Variants in WDR7 observed in about 807,000 individuals in gnomAD.
WDR7 encodes the protein WD repeat-containing protein 7.
In WDR7, 46 loss-of-function variants were observed where a neutral mutation model predicts 169.4. The observed-to-expected ratio is 0.27, with a 90% CI of 0.21 to 0.35. The LOEUF is 0.35. Ranked by LOEUF, WDR7 falls within the 10% of genes least tolerant of loss-of-function variation. The probability of loss-of-function intolerance (pLI) is 1.00; values close to 1 mark genes in which losing one functional copy is unlikely to be tolerated. For missense variants in WDR7, 1,534 were observed against 1,859.3 expected (o/e 0.83, Z 3.22); for synonymous variants, 612 against 666.8 (o/e 0.92, Z 1.27).
intron 13 of WDR7, among the ~76,000 whole-genome samples, chr18:56,728,751 G>A (rs887789737): frequency 7.2e-5 from 11 of 152,116 alleles, no homozygotes; most frequent in East Asian, 1.9e-4. Flanking sequence ...ACTGGGCTGC[G>A]TCACTGTGTG....
At chr18:57,014,332 CAAA>C (rs35192329) in intron 26 of WDR7, among the ~76,000 whole-genome samples, 4 of 133,266 alleles carry the variant, frequency 3.0e-5, no homozygotes, top group Non-Finnish European at 4.7e-5. Context: ...GACTCCATCT[CAAA>C]AAAAAAAAAA....
intron 21 of WDR7, among the ~76,000 whole-genome samples, chr18:56,914,011 A>C (rs948116133): frequency 2.0e-5 from 3 of 152,034 alleles, no homozygotes; most frequent in Admixed American, 2.0e-4. Flanking sequence ...ATAACCTTCC[A>C]CAAGTTTCTC....
intron 20 of WDR7, among the ~76,000 whole-genome samples, chr18:56,864,148 A>C (rs1359797178): frequency 6.6e-6 from 1 of 151,830 alleles, no homozygotes; most frequent in Non-Finnish European, 1.5e-5. Flanking sequence ...AAAAGCATCA[A>C]ATGGACTTAT....
At chr18:56,829,800 G>T (rs184257185) in intron 20 of WDR7, among the ~76,000 whole-genome samples, 3 of 152,172 alleles carry the variant, frequency 2.0e-5, no homozygotes, top group Non-Finnish European at 4.4e-5. Flanking sequence ...AGGAGAAAGC[G>T]TGTGAATGTG....
At chr18:56,681,522 A>T in intron 4 of WDR7, 131 bp downstream of exon 4, 1 of 546,090 alleles carries the variant, frequency 1.8e-6, no homozygotes, top group Non-Finnish European at 3.0e-6. Context: ...GAAAACTAGA[A>T]TTGAAGCGGT....
intron 14 of WDR7, among the ~76,000 whole-genome samples, chr18:56,731,891 T>C (rs2026595801): frequency 6.6e-6 from 1 of 152,204 alleles, no homozygotes. Flanking sequence ...TACTTTTTGG[T>C]AGTCTTTCTG....
Position 57,027,335 on chromosome 18 carries a change from C to CGGCA in WDR7, c.*130_*131insCAGG. The CGGCA allele has an allele frequency of 8.4e-7, 1 of 1,197,206 alleles. No homozygotes were observed. Among genetic ancestry groups the CGGCA allele is most frequent in the Non-Finnish European group, 1.2e-6 (1 of 867,726 alleles). The allele number at this position is 1,197,206 out of a possible 1,614,324, so 74.2% of individuals were successfully genotyped here. A position where few individuals can be genotyped will look rare whatever the true frequency, so the allele number is the denominator to read the frequency against. ...CCCCAGTGCCATCCAGTGGCACGGC[C>CGGCA]GGGTCTTGTCACTTGTGCATGCTTC... is the stretch of plus-strand genomic sequence containing the variant. On this transcript the variant is annotated 3_prime_UTR_variant, in exon 28 of 28. Coordinates refer to ENST00000254442, the MANE Select transcript of WDR7 (RefSeq NM_015285.3).
intron 20 of WDR7, among the ~76,000 whole-genome samples, chr18:56,838,871 G>A (rs908662434): frequency 1.3e-5 from 2 of 152,004 alleles, no homozygotes; most frequent in Non-Finnish European, 2.9e-5. Context: ...TTAGATACAG[G>A]ATTAAATAGA....
intron 20 of WDR7, among the ~76,000 whole-genome samples, chr18:56,847,824 A>T (rs1185966271): frequency 1.3e-5 from 2 of 152,220 alleles, no homozygotes; most frequent in African/African-American, 2.4e-5. Flanking sequence ...CTTGCAGGTG[A>T]ACAGAATGCA....
Position 56,756,585 on chromosome 18 carries a change from A to C in WDR7, c.1992A>C (p.Gly664=), listed in dbSNP as rs143775546. The part of the protein sequence containing the change: ...NLLASEASDK[G]NLPKYSHNSL... Reference sequence around the variant, plus strand: ...TCTTTTAAAAATATTTATTACAGGGAAATTTACCTAAATATTCTCATAACT... The same window carrying C: ...TCTTTTAAAAATATTTATTACAGGGCAATTTACCTAAATATTCTCATAACT... The change falls in exon 15 of 28, where the codon GGA becomes GGC. Residue 664 remains glycine (G), a splice_region_variant and synonymous_variant. Coordinates refer to ENST00000254442, the MANE Select transcript of WDR7 (RefSeq NM_015285.3). The C allele has an allele frequency of 1.3e-3, 2,082 of 1,568,430 alleles. 6 individuals carry two copies. Among genetic ancestry groups the C allele is most frequent in the Non-Finnish European group, 1.2e-3 (1,407 of 1,161,400 alleles).
chr18:56,761,134 C>T (rs113843491), intron 16 of WDR7, among the ~76,000 whole-genome samples: 4,542 of 151,124 alleles, frequency 0.03, 112 homozygotes, highest in South Asian at 0.083. Flanking sequence ...CTCTGCCTCC[C>T]GAGCAAGTGG....
chr18:57,011,290 A>G (rs2048133106), intron 26 of WDR7, among the ~76,000 whole-genome samples: 1 of 151,216 alleles, frequency 6.6e-6, no homozygotes, highest in South Asian at 2.1e-4. Context: ...CAATTCATCA[A>G]TGTCAGTTTG....
chr18:56,764,129 T>C (rs2144982349), intron 16 of WDR7, among the ~76,000 whole-genome samples: 1 of 152,278 alleles, frequency 6.6e-6, no homozygotes, highest in Non-Finnish European at 1.5e-5. Flanking sequence ...CTGAGATCAT[T>C]GATTTAAAAC....
intron 25 of WDR7, among the ~76,000 whole-genome samples, chr18:56,945,648 G>T (rs541087858): frequency 6.6e-6 from 1 of 152,150 alleles, no homozygotes; most frequent in Non-Finnish European, 1.5e-5. Flanking sequence ...AGGCACTGGG[G>T]AGAAGAATGA....
chr18:57,016,615 A>AAT (rs1408623060), intron 26 of WDR7, among the ~76,000 whole-genome samples: 8 of 152,330 alleles, frequency 5.3e-5, no homozygotes, highest in Non-Finnish European at 1.0e-4. Context: ...ACGCTGACCA[A>AAT]ATCATTTTAG....
intron 20 of WDR7, among the ~76,000 whole-genome samples, chr18:56,866,316 G>GT (rs533284401): frequency 7.3e-5 from 11 of 150,830 alleles, no homozygotes; most frequent in Admixed American, 2.6e-4. Context: ...TATGTTTTTT[G>GT]TTTTTTTAAA....
At chr18:56,829,305 C>A (rs1405516029) in intron 20 of WDR7, among the ~76,000 whole-genome samples, 2 of 151,686 alleles carry the variant, frequency 1.3e-5, no homozygotes, top group African/African-American at 2.4e-5. Flanking sequence ...ACCACACACA[C>A]ACACACAAAA....
At chr18:57,000,739 C>A (rs1255567637) in intron 26 of WDR7, among the ~76,000 whole-genome samples, 2 of 152,254 alleles carry the variant, frequency 1.3e-5, no homozygotes, top group East Asian at 3.9e-4. Context: ...AAGCTTTCTT[C>A]TTGTAAAAGC....
chr18:56,658,808 G>A (rs931228327), intron 1 of WDR7, among the ~76,000 whole-genome samples: 2 of 152,112 alleles, frequency 1.3e-5, no homozygotes, highest in Non-Finnish European at 2.9e-5. Context: ...CACTTCCTGG[G>A]TTCAAGCGAT....
Sources: gnomAD v4.1 joint callset for allele counts (sites outside exome capture counted in the v4.1 genomes callset) on GRCh38, gnomAD v4.1.1 for gene constraint, MANE v1.5 for transcripts, NCBI Gene and HGNC (gene_info 2026-07-23, HGNC 2026-07-21) for gene names.